The following CRPPA variants were observed in gnomAD, a reference collection of about 807,000 sequenced individuals.
CRPPA encodes the protein CDP-L-ribitol pyrophosphorylase A.
In CRPPA, 43 loss-of-function variants were observed where a neutral mutation model predicts 52.0. That is an observed-to-expected ratio of 0.83 (90% CI 0.65 to 1.07). The LOEUF is 1.07. CRPPA is among the 50% of genes least tolerant of loss of function. The pLI is 0.00. For missense variants in CRPPA, 629 were observed against 551.7 expected (o/e 1.14, Z -1.40); for synonymous variants, 250 against 203.5 (o/e 1.23, Z -1.94).
chr7:16,213,263 T>G (rs535846960), intron 9 of CRPPA, among the ~76,000 whole-genome samples: 25 of 152,314 alleles, frequency 1.6e-4, no homozygotes, highest in African/African-American at 5.8e-4. Context: ...AATGATGACT[T>G]GCACAGCAAA....
At chr7:16,170,758 A>T (rs549446722) in intron 9 of CRPPA, among the ~76,000 whole-genome samples, 1 of 152,166 alleles carries the variant, frequency 6.6e-6, no homozygotes, top group Admixed American at 6.5e-5. Context: ...TGAGAATTCA[A>T]GCGGGGTACA....
chr7:16,349,877 A>G (rs1368468901), intron 3 of CRPPA, among the ~76,000 whole-genome samples: 1 of 152,170 alleles, frequency 6.6e-6, no homozygotes, highest in African/African-American at 2.4e-5. Context: ...AGGCTGGAAA[A>G]GGAGATAGAA....
intron 9 of CRPPA, among the ~76,000 whole-genome samples, chr7:16,214,173 G>A (rs551058463): frequency 2.2e-4 from 33 of 152,208 alleles, no homozygotes; most frequent in African/African-American, 7.9e-4. Flanking sequence ...TTTAATTCAA[G>A]TATGCTCCAT....
At chr7:16,331,719 G>A (rs1331193852) in intron 3 of CRPPA, among the ~76,000 whole-genome samples, 1 of 152,142 alleles carries the variant, frequency 6.6e-6, no homozygotes, top group African/African-American at 2.4e-5. Context: ...GAATGCCTTT[G>A]ATGGGCTCAT....
intron 5 of CRPPA, among the ~76,000 whole-genome samples, chr7:16,282,827 C>T (rs1784345595): frequency 6.6e-6 from 1 of 152,016 alleles, no homozygotes; most frequent in Non-Finnish European, 1.5e-5. Flanking sequence ...TTGCATTCCA[C>T]AGTGGTCTGC....
At chr7:16,393,388 C>T (rs892427649) in intron 2 of CRPPA, among the ~76,000 whole-genome samples, 3 of 151,928 alleles carry the variant, frequency 2.0e-5, no homozygotes, top group Non-Finnish European at 2.9e-5. Context: ...AGACAGGGTA[C>T]GAAAACAGAC....
chr7:16,280,147 G>C (rs1319186890), intron 5 of CRPPA, among the ~76,000 whole-genome samples: 1 of 152,160 alleles, frequency 6.6e-6, no homozygotes, highest in Non-Finnish European at 1.5e-5. Context: ...CAACACATGA[G>C]AATTCAAGAT....
chr7:16,406,616 AT>A (rs1355541363), intron 1 of CRPPA, among the ~76,000 whole-genome samples: 1 of 152,188 alleles, frequency 6.6e-6, no homozygotes, highest in African/African-American at 2.4e-5. Flanking sequence ...ACCAGATGTC[AT>A]TTTTTACTTA....
chr7:16,389,928 A>AAAAAAAAAAAT, intron 2 of CRPPA, among the ~76,000 whole-genome samples: 21 of 29,756 alleles, frequency 7.1e-4, no homozygotes, highest in African/African-American at 3.5e-3. Context: ...AAAAAAAAAA[A>AAAAAAAAAAAT]ATATATATAT....
chr7:16,281,594 TTAAG>T (rs1784321403), intron 5 of CRPPA, among the ~76,000 whole-genome samples: 1 of 152,214 alleles, frequency 6.6e-6, no homozygotes, highest in Non-Finnish European at 1.5e-5. Context: ...CATATTGTCA[TTAAG>T]TAATTATACT....
In CRPPA at chr7:16,282,248, T is replaced by C. The variant is rs554390761; in HGVS notation, c.836-4022A>G. Reference sequence around the variant, plus strand: ...TTTTCACTCAATTTAAATGACTTCATATTTAGTTTAAAATATTTCATTCCT... The same window carrying C: ...TTTTCACTCAATTTAAATGACTTCACATTTAGTTTAAAATATTTCATTCCT... On this transcript the variant is annotated intron_variant, in intron 5 of 9. Transcript: ENST00000407010. Among the ~76,000 whole-genome samples the C allele has an allele frequency of 2.0e-5, 3 of 152,302 alleles. No individual in the cohort carries two copies. In the East Asian group the frequency reaches 5.8e-4, roughly 29 times the overall value.
intron 4 of CRPPA, among the ~76,000 whole-genome samples, chr7:16,307,367 C>A (rs941979973): frequency 1.3e-5 from 2 of 152,012 alleles, no homozygotes; most frequent in Non-Finnish European, 2.9e-5. Context: ...ATCTTGTTTG[C>A]AATAAGTATT....
intron 9 of CRPPA, among the ~76,000 whole-genome samples, chr7:16,187,761 C>T (rs1194821268): frequency 6.6e-6 from 1 of 152,016 alleles, no homozygotes; most frequent in African/African-American, 2.4e-5. Context: ...TTAAATAATT[C>T]CTTGGGAAAA....
At chr7:16,314,138 T>A (rs910286144) in intron 3 of CRPPA, among the ~76,000 whole-genome samples, 1 of 151,650 alleles carries the variant, frequency 6.6e-6, no homozygotes, top group African/African-American at 2.4e-5. Context: ...ACCTATCTCT[T>A]CTTGCAATTC....
intron 1 of CRPPA, among the ~76,000 whole-genome samples, chr7:16,416,603 C>T (rs980338067): frequency 5.9e-5 from 9 of 151,766 alleles, no homozygotes; most frequent in African/African-American, 1.5e-4. Context: ...GGGAGGCCGA[C>T]GCAGGTGGAT....
chr7:16,413,869 T>C (rs1788127004), intron 1 of CRPPA, among the ~76,000 whole-genome samples: 2 of 152,126 alleles, frequency 1.3e-5, no homozygotes, highest in African/African-American at 4.8e-5. Context: ...CATACAGATC[T>C]ACAAAAGTGA....
At chr7:16,391,960 C>G (rs1181698860) in intron 2 of CRPPA, among the ~76,000 whole-genome samples, 1 of 152,088 alleles carries the variant, frequency 6.6e-6, no homozygotes, top group Admixed American at 6.5e-5. Context: ...GAGGTCAAAC[C>G]AAATCCCACT....
intron 9 of CRPPA, among the ~76,000 whole-genome samples, chr7:16,167,950 G>A (rs1410017050): frequency 6.6e-6 from 1 of 152,028 alleles, no homozygotes; most frequent in South Asian, 2.1e-4. Flanking sequence ...ATTATCCTGC[G>A]CTCTGTGTAA....
intron 3 of CRPPA, among the ~76,000 whole-genome samples, chr7:16,328,090 C>T (rs960116775): frequency 1.2e-4 from 18 of 152,288 alleles, no homozygotes; most frequent in Non-Finnish European, 2.1e-4. Flanking sequence ...TCACTTTATA[C>T]TAGGTGACAT....
Sources: gnomAD v4.1 joint callset for allele counts (sites outside exome capture counted in the v4.1 genomes callset) on GRCh38, gnomAD v4.1.1 for gene constraint, MANE v1.5 for transcripts, NCBI Gene and HGNC (gene_info 2026-07-23, HGNC 2026-07-21) for gene names.